The following PTPRO variants were observed in gnomAD, a reference collection of about 807,000 sequenced individuals.
The protein encoded by PTPRO is receptor-type tyrosine-protein phosphatase O.
In PTPRO, 62 loss-of-function variants were observed where a neutral mutation model predicts 145.2. That is an observed-to-expected ratio of 0.43 (90% CI 0.35 to 0.53). PTPRO has a LOEUF of 0.53. Among genes scored for constraint, PTPRO ranks in the 20% least tolerant of loss-of-function variants. The pLI is 0.01. For missense variants in PTPRO, 1,345 were observed against 1,482.7 expected (o/e 0.91, Z 1.53); for synonymous variants, 565 against 514.7 (o/e 1.10, Z -1.32).
intron 1 of PTPRO, among the ~76,000 whole-genome samples, chr12:15,396,589 G>A (rs1304264063): frequency 6.6e-6 from 1 of 152,078 alleles, no homozygotes; most frequent in Non-Finnish European, 1.5e-5. Context: ...AAAATCAAAA[G>A]GGAATTCTTC....
intron 1 of PTPRO, among the ~76,000 whole-genome samples, chr12:15,409,717 G>A (rs1251656582): frequency 6.6e-6 from 1 of 152,188 alleles, no homozygotes; most frequent in Non-Finnish European, 1.5e-5. Context: ...CACTTGGCGA[G>A]AGCAGGTGCA....
rs1866339297 is a variant in PTPRO at position 15,322,852 on chromosome 12, G to A, written c.75+51G>A. ...TCCCAGCGGTCCGGGCGGCAGCCGC[G>A]CTCCGGCGCCCTCGCTCTGCCGTTG... On this transcript the variant is annotated intron_variant, in intron 1 of 26. Coordinates refer to ENST00000281171, the MANE Select transcript of PTPRO (RefSeq NM_030667.3). The surrounding 1 kb of genome is among the most constrained non-coding windows in gnomAD (Gnocchi z 6.3). 1 of 1,570,800 alleles carries A rather than the reference G, an allele frequency of 6.4e-7. No homozygotes were observed. The highest frequency in any genetic ancestry group is 8.7e-7 in the Non-Finnish European group (1 of 1,154,100).
At chr12:15,465,904 GT>G (rs894615256) in intron 1 of PTPRO, among the ~76,000 whole-genome samples, 7 of 151,968 alleles carry the variant, frequency 4.6e-5, no homozygotes, top group East Asian at 1.9e-4. Flanking sequence ...AAACCCCATG[GT>G]TTTTTTTCCC....
chr12:15,406,859 A>AT (rs2136306805), intron 1 of PTPRO, among the ~76,000 whole-genome samples: 1 of 152,322 alleles, frequency 6.6e-6, no homozygotes, highest in South Asian at 2.1e-4. Context: ...TACGAGAACA[A>AT]TTTTGGGTCA....
chr12:15,386,612 T>C (rs1228720659), intron 1 of PTPRO, among the ~76,000 whole-genome samples: 2 of 152,228 alleles, frequency 1.3e-5, no homozygotes, highest in Non-Finnish European at 2.9e-5. Flanking sequence ...TGGTTAAGCC[T>C]ATATATGCAT....
chr12:15,491,181 A>G (rs1405578002), intron 2 of PTPRO, among the ~76,000 whole-genome samples: 1 of 152,174 alleles, frequency 6.6e-6, no homozygotes, highest in African/African-American at 2.4e-5. Flanking sequence ...TGTGCCTGCC[A>G]TCAGAAGTGA....
chr12:15,399,781 T>C (rs1398782966), intron 1 of PTPRO, among the ~76,000 whole-genome samples: 1 of 151,970 alleles, frequency 6.6e-6, no homozygotes, highest in Non-Finnish European at 1.5e-5. Flanking sequence ...CCCGGCACAG[T>C]GGCTCTCACC....
At chr12:15,504,093 A>AG in intron 6 of PTPRO, 24 bp downstream of exon 6, 1 of 1,594,792 alleles carries the variant, frequency 6.3e-7, no homozygotes, top group Non-Finnish European at 8.6e-7. Flanking sequence ...AGATCATTTT[A>AG]CACTTACTGG....
chr12:15,382,384 A>G (rs1938890436), intron 1 of PTPRO, among the ~76,000 whole-genome samples: 1 of 152,116 alleles, frequency 6.6e-6, no homozygotes, highest in Non-Finnish European at 1.5e-5. Context: ...ACTTCCCCAC[A>G]CTTCCAGGTG....
intron 1 of PTPRO, among the ~76,000 whole-genome samples, chr12:15,452,974 A>G (rs1941084650): frequency 6.6e-6 from 1 of 152,210 alleles, no homozygotes; most frequent in African/African-American, 2.4e-5. Flanking sequence ...TGAGTGAGAA[A>G]AAGAATATTT....
At chr12:15,498,421 G>A (rs1942151527) in intron 3 of PTPRO, among the ~76,000 whole-genome samples, 2 of 152,112 alleles carry the variant, frequency 1.3e-5, no homozygotes, top group South Asian at 4.1e-4. Context: ...AGCCGGGCGT[G>A]GTGGCGGGCG....
chr12:15,537,628 G>A (rs1943091849), intron 12 of PTPRO, among the ~76,000 whole-genome samples: 3 of 152,174 alleles, frequency 2.0e-5, no homozygotes, highest in Admixed American at 2.0e-4. Flanking sequence ...AAATGCACAG[G>A]AGCTAAAGAA....
At chr12:15,331,744 T>A (rs78203628) in intron 1 of PTPRO, among the ~76,000 whole-genome samples, 1,786 of 152,310 alleles carry the variant, frequency 0.012, 17 homozygotes, top group Admixed American at 0.017. Context: ...AATACTCTTG[T>A]ATTGAATGTT....
chr12:15,496,118 T>C (rs969311586), intron 2 of PTPRO, among the ~76,000 whole-genome samples: 7 of 151,002 alleles, frequency 4.6e-5, no homozygotes, highest in Admixed American at 1.3e-4. Context: ...ATTTTACTTA[T>C]GTTCATTTTT....
intron 1 of PTPRO, among the ~76,000 whole-genome samples, chr12:15,476,842 C>T (rs996792139): frequency 4.6e-4 from 59 of 129,050 alleles, no homozygotes; most frequent in Non-Finnish European, 8.0e-4. Context: ...ATTAAAAAGT[C>T]AGGAAACAAC....
intron 1 of PTPRO, among the ~76,000 whole-genome samples, chr12:15,329,372 A>C (rs1866542819): frequency 6.6e-6 from 1 of 152,216 alleles, no homozygotes; most frequent in East Asian, 1.9e-4. Context: ...TCCTATCTGA[A>C]GCCTGATTCC....
At chr12:15,386,363 T>C (rs1939028187) in intron 1 of PTPRO, among the ~76,000 whole-genome samples, 2 of 152,162 alleles carry the variant, frequency 1.3e-5, no homozygotes, top group South Asian at 2.1e-4. Flanking sequence ...TAACTTCTAC[T>C]TCTGAGAAAT....
Position 15,322,657 on chromosome 12 carries a change from C to T in PTPRO, c.-70C>T, listed in dbSNP as rs1591699964. ...AGGGTCTGAGGCTGCAGCCCCAGTT[C>T]GCCATTGTGAGCCGCCGCCGGGGGA... On this transcript the variant is annotated 5_prime_UTR_variant, in exon 1 of 27. Coordinates refer to ENST00000281171, the MANE Select transcript of PTPRO (RefSeq NM_030667.3). This position sits in a 1 kb window ranked among gnomAD's most constrained non-coding sequence, Gnocchi z 6.3. 3 of 1,341,108 alleles carry T rather than the reference C, an allele frequency of 2.2e-6. No homozygotes were observed. The highest frequency in any genetic ancestry group is 2.5e-5 in the East Asian group (1 of 40,320). The allele number at this position is 1,341,108 out of a possible 1,614,324, so 83.1% of individuals were successfully genotyped here.
Position 15,518,688 on chromosome 12 carries a change from T to C in PTPRO, c.1780-1513T>C, listed in dbSNP as rs568353211. Among the ~76,000 whole-genome samples the C allele has an allele frequency of 7.2e-5, 11 of 152,310 alleles. No homozygotes were observed. The South Asian group carries it at 2.3e-3, about 32-fold the overall frequency. On this transcript the variant is annotated intron_variant, in intron 9 of 26. Coordinates refer to ENST00000281171, the MANE Select transcript of PTPRO (RefSeq NM_030667.3). ...GATACCCTAAATCATCTCTCTTAAGTTCAAAGTTCCAAAATCCCTAAGGGA... is the reference window on the plus strand; with the variant it reads ...GATACCCTAAATCATCTCTCTTAAGCTCAAAGTTCCAAAATCCCTAAGGGA...
Sources: gnomAD v4.1 joint callset for allele counts (sites outside exome capture counted in the v4.1 genomes callset) on GRCh38, gnomAD v4.1.1 for gene constraint, Gnocchi (gnomAD v3.1) non-coding constraint, MANE v1.5 for transcripts, NCBI Gene and HGNC (gene_info 2026-07-23, HGNC 2026-07-21) for gene names.